SPTBN1: variants seen among roughly 807,000 people sequenced by gnomAD.
SPTBN1 encodes spectrin beta, non-erythrocytic 1.
A neutral mutation model predicts 266.4 loss-of-function variants in SPTBN1; 32 were observed. The observed-to-expected ratio is 0.12, with a 90% CI of 0.09 to 0.16. The LOEUF is 0.16. Ranked by LOEUF, SPTBN1 falls within the 10% of genes least tolerant of loss-of-function variation. The pLI, the probability that SPTBN1 is intolerant of heterozygous loss-of-function variation, is 1.00. For synonymous variants in SPTBN1, 1,336 were observed against 1,162.2 expected (o/e 1.15, Z -3.04); for missense variants, 2,296 against 3,067.1 (o/e 0.75, Z 5.94).
intron 1 of SPTBN1, among the ~76,000 whole-genome samples, chr2:54,503,372 T>A (rs1669377636): frequency 6.6e-6 from 1 of 152,204 alleles, no homozygotes; most frequent in Admixed American, 6.5e-5. Flanking sequence ...GGCTTTGCAG[T>A]CAGAGCAAGC....
chr2:54,589,311 G>A (rs1302234720), intron 2 of SPTBN1, among the ~76,000 whole-genome samples: 1 of 152,130 alleles, frequency 6.6e-6, no homozygotes, highest in Non-Finnish European at 1.5e-5. Flanking sequence ...CAGGACCCTG[G>A]TGACAGAGCC....
chr2:54,648,282 G>A (rs1680046280), intron 24 of SPTBN1, among the ~76,000 whole-genome samples: 1 of 152,200 alleles, frequency 6.6e-6, no homozygotes, highest in South Asian at 2.1e-4. Flanking sequence ...TCCCAGGAAA[G>A]TGGCCTTCCT....
intron 2 of SPTBN1, among the ~76,000 whole-genome samples, chr2:54,532,654 T>C (rs4671951): frequency 0.81 from 122,888 of 152,224 alleles, 50,162 homozygotes; most frequent in African/African-American, 0.94. Context: ...AAATGATTGC[T>C]TGCATCCCGT....
chr2:54,504,136 A>T (rs1669428655), intron 1 of SPTBN1, among the ~76,000 whole-genome samples: 2 of 152,228 alleles, frequency 1.3e-5, no homozygotes, highest in Non-Finnish European at 2.9e-5. Flanking sequence ...GGAGAAAAGT[A>T]AGGGAGTAAT....
intron 1 of SPTBN1, among the ~76,000 whole-genome samples, chr2:54,518,539 C>T (rs1360135473): frequency 6.6e-6 from 1 of 151,716 alleles, no homozygotes; most frequent in Non-Finnish European, 1.5e-5. Context: ...GCAAAATTCT[C>T]AGACACACGA....
Position 54,621,216 on chromosome 2 carries a change from A to G in SPTBN1, c.764-184A>G, listed in dbSNP as rs912413308. Among the ~76,000 whole-genome samples the G allele has an allele frequency of 2.6e-5, 4 of 152,228 alleles. No individual in the cohort carries two copies. In the South Asian group the frequency reaches 6.2e-4, roughly 24 times the overall value. ...TTCATGAATATTCACATAATGGGGAATCAGTGAGATGGTTTAACCCTCATT... is the reference window on the plus strand; with the variant it reads ...TTCATGAATATTCACATAATGGGGAGTCAGTGAGATGGTTTAACCCTCATT... On this transcript the variant is annotated intron_variant, in intron 7 of 35. Transcript: ENST00000356805.
At chr2:54,648,426 G>T (rs1680057309) in intron 24 of SPTBN1, among the ~76,000 whole-genome samples, 1 of 152,200 alleles carries the variant, frequency 6.6e-6, no homozygotes, top group African/African-American at 2.4e-5. Context: ...AGATGGAGCA[G>T]CCGGTCCAGC....
chr2:54,590,513 A>G (rs1675603119), intron 2 of SPTBN1, among the ~76,000 whole-genome samples: 2 of 152,254 alleles, frequency 1.3e-5, no homozygotes, highest in Non-Finnish European at 2.9e-5. Context: ...CTGCAAGTTA[A>G]TTGAAGAGAT....
Position 54,655,172 on chromosome 2 carries a change from A to G in SPTBN1, c.5925A>G (p.Lys1975=). 1 of 1,614,162 alleles carries G rather than the reference A, an allele frequency of 6.2e-7. No individual in the cohort carries two copies. Among genetic ancestry groups the G allele is most frequent in the East Asian group, 2.2e-5 (1 of 44,882 alleles). The change falls in exon 28 of 36, where the codon AAA becomes AAG. Residue 1975 remains lysine, a synonymous_variant. Transcript: ENST00000356805. Reference sequence around the variant, plus strand: ...TCACAACCTGCATTGAACTTGGGAAATCCCTGTTGGCGAGAAAACACTATG... The same window carrying G: ...TCACAACCTGCATTGAACTTGGGAAGTCCCTGTTGGCGAGAAAACACTATG... ...DSFTTCIELG[K]SLLARKHYAS... is the part of the protein sequence containing the mutation.
intron 1 of SPTBN1, among the ~76,000 whole-genome samples, chr2:54,490,022 C>A (rs1402806546): frequency 6.6e-6 from 1 of 151,864 alleles, no homozygotes; most frequent in Non-Finnish European, 1.5e-5. Flanking sequence ...CAGAACACCC[C>A]AAAAATCTGT....
intron 20 of SPTBN1, 78 bp downstream of exon 20, chr2:54,644,664 T>A: frequency 6.6e-7 from 1 of 1,511,078 alleles, no homozygotes; most frequent in South Asian, 1.3e-5. Context: ...TCTCACCCAC[T>A]GCATTATCAG....
chr2:54,631,949 C>A lies in SPTBN1; in HGVS notation c.3564+338C>A, dbSNP rs1468249042. ...AGTGAGGGCCAGGCATGATGACTCACTCCTGTAATCCCAGCTCTTGGGGAG... is the reference window on the plus strand; with the variant it reads ...AGTGAGGGCCAGGCATGATGACTCAATCCTGTAATCCCAGCTCTTGGGGAG... On this transcript the variant is annotated intron_variant, in intron 16 of 35. Transcript: ENST00000356805. Among the ~76,000 whole-genome samples, 4 of 152,070 alleles carry A rather than the reference C, an allele frequency of 2.6e-5. No individual in the cohort carries two copies. In the East Asian group the frequency reaches 7.7e-4, roughly 29 times the overall value.
intron 3 of SPTBN1, among the ~76,000 whole-genome samples, chr2:54,600,245 C>G (rs372790147): frequency 6.6e-6 from 1 of 152,332 alleles, no homozygotes; most frequent in East Asian, 1.9e-4. Context: ...CAGACTGCCT[C>G]TTTGAGTCTG....
chr2:54,668,377 T>C lies in SPTBN1; in HGVS notation c.6903T>C (p.Ala2301=), dbSNP rs1681515070. The change falls in exon 36 of 36, where the codon GCT becomes GCC. Residue 2301 remains alanine (A), a synonymous_variant. Transcript: ENST00000356805. ...DDEEMNTWIQ[A]ISSAISSDKH... is the part of the protein sequence containing the mutation. ...AGGAAATGAACACATGGATCCAGGC[T>C]ATCTCTTCCGCCATCTCCTCTGATA... The C allele has an allele frequency of 1.9e-6, 3 of 1,614,016 alleles. No homozygotes were observed. The highest frequency in any genetic ancestry group is 1.3e-5 in the African/African-American group (1 of 74,906).
At chr2:54,547,846 A>T (rs1672336405) in intron 2 of SPTBN1, among the ~76,000 whole-genome samples, 1 of 152,204 alleles carries the variant, frequency 6.6e-6, no homozygotes, top group South Asian at 2.1e-4. Flanking sequence ...TTCACCTGTC[A>T]TTAAAATTCT....
rs1463306821 is a variant in SPTBN1, at chr2:54,540,556, T to C, written c.148+13990T>C. 2 of 152,228 alleles carry C rather than the reference T, an allele frequency of 1.3e-5. No individual in the cohort carries two copies. The highest frequency in any genetic ancestry group is 2.4e-5 in the African/African-American group (1 of 41,440). 9.4% of individuals were successfully genotyped at this position (152,228 alleles called of 1,614,324 possible). A position where few individuals can be genotyped will look rare whatever the true frequency, so the allele number is the denominator to read the frequency against. On this transcript the variant is annotated intron_variant, in intron 2 of 35. Coordinates refer to ENST00000356805, the MANE Select transcript of SPTBN1 (RefSeq NM_003128.3). The surrounding 1 kb of genome is among the most constrained non-coding windows in gnomAD (Gnocchi z 5.6). ...TTTAGTTTTCTCTTCCTTCCTTAGG[T>C]CACTGGGATGTTTCTGGAGCTCTTC... is the stretch of plus-strand genomic sequence containing the variant.
chr2:54,549,166 G>A lies in SPTBN1; in HGVS notation c.148+22600G>A, dbSNP rs545009283. The stretch of plus-strand genomic sequence containing the variant: ...TTAGCTGGTGTGGTGGTGCGCGCCT[G>A]TAATCCCAGCTACTCGGAAAGCTGA... On this transcript the variant is annotated intron_variant, in intron 2 of 35. Transcript: ENST00000356805. 5.9e-5 allele frequency among the ~76,000 whole-genome samples: 9 copies of A among 152,064 alleles called. No individual in the cohort carries two copies. The South Asian group carries it at 1.9e-3, about 32-fold the overall frequency.
In SPTBN1 at chr2:54,661,881, A is replaced by C. The variant is rs1681071325; in HGVS notation, c.6420+1882A>C. On this transcript the variant is annotated intron_variant, in intron 32 of 35. Transcript: ENST00000356805. ...TATGATGTTCTTAGCATTTGCTATC[A>C]TGCCTATTTTTATCTAGATTTTTAA... 4 of 985,288 alleles carry C rather than the reference A, an allele frequency of 4.1e-6. No homozygotes were observed. The Admixed American group carries it at 2.5e-4, about 61-fold the overall frequency. 61.0% of individuals were successfully genotyped at this position (985,288 alleles called of 1,614,324 possible).
chr2:54,619,352 A>G (rs933604591), intron 7 of SPTBN1, among the ~76,000 whole-genome samples: 22 of 151,988 alleles, frequency 1.4e-4, no homozygotes, highest in Admixed American at 1.1e-3. Context: ...CTTAACCCCT[A>G]TCTTACTATG....
Sources: gnomAD v4.1 joint callset for allele counts (sites outside exome capture counted in the v4.1 genomes callset) on GRCh38, gnomAD v4.1.1 for gene constraint, Gnocchi (gnomAD v3.1) non-coding constraint, MANE v1.5 for transcripts, NCBI Gene and HGNC (gene_info 2026-07-23, HGNC 2026-07-21) for gene names.